GOLM2: variants seen among roughly 807,000 people sequenced by gnomAD.
The protein encoded by GOLM2 is protein GOLM2.
A neutral mutation model predicts 55.9 loss-of-function variants in GOLM2; 26 were observed. The ratio of observed to expected loss-of-function variants is 0.47; its 90% confidence interval spans 0.34 to 0.65. The LOEUF (loss-of-function observed/expected upper bound fraction) is 0.65, where lower values mean the gene tolerates loss of function less well. Ranked by LOEUF, GOLM2 falls within the 30% of genes least tolerant of loss-of-function variation. The probability of loss-of-function intolerance (pLI) is 0.01; values close to 1 mark genes in which losing one functional copy is unlikely to be tolerated. For missense variants in GOLM2, 486 were observed against 531.8 expected (o/e 0.91, Z 0.85); for synonymous variants, 165 against 194.6 (o/e 0.85, Z 1.27).
intron 8 of GOLM2, among the ~76,000 whole-genome samples, chr15:44,385,873 A>G (rs1283283995): frequency 6.6e-6 from 1 of 151,928 alleles, no homozygotes; most frequent in Non-Finnish European, 1.5e-5. Context: ...GCCCATTTTT[A>G]TGTTGGGTTA....
At chr15:44,334,827 C>T (rs1056916307) in intron 4 of GOLM2, among the ~76,000 whole-genome samples, 6 of 152,042 alleles carry the variant, frequency 3.9e-5, no homozygotes, top group African/African-American at 7.2e-5. Flanking sequence ...GTCAGGAGTT[C>T]GAGACCAACC....
intron 3 of GOLM2, 92 bp from the exon 4 acceptor site, chr15:44,331,896 T>C (rs2079024331): frequency 8.1e-6 from 7 of 869,084 alleles, no homozygotes; most frequent in Non-Finnish European, 1.3e-5. Flanking sequence ...TAACTGAGTG[T>C]TTTATCTTTC....
intron 1 of GOLM2, among the ~76,000 whole-genome samples, chr15:44,306,804 C>T (rs1037924869): frequency 6.6e-6 from 1 of 152,070 alleles, no homozygotes; most frequent in Non-Finnish European, 1.5e-5. Context: ...ATGGTAACTC[C>T]CGTTATCGTC....
chr15:44,353,210 G>T (rs912104940), intron 6 of GOLM2, among the ~76,000 whole-genome samples: 2 of 152,266 alleles, frequency 1.3e-5, no homozygotes, highest in African/African-American at 4.8e-5. Context: ...TGTTTAAAAT[G>T]GATTGTATCC....
chr15:44,342,026 C>T (rs374011189), intron 6 of GOLM2, among the ~76,000 whole-genome samples: 87 of 151,854 alleles, frequency 5.7e-4, no homozygotes, highest in Admixed American at 4.9e-3. Flanking sequence ...GAATGAATAG[C>T]GCTACTTTTG....
intron 8 of GOLM2, among the ~76,000 whole-genome samples, chr15:44,391,239 G>A (rs2079485998): frequency 6.6e-6 from 1 of 152,092 alleles, no homozygotes; most frequent in Admixed American, 6.6e-5. Flanking sequence ...GACCAGCCAG[G>A]TGTGGTGGCT....
At chr15:44,379,270 G>C (rs2079385427) in intron 6 of GOLM2, among the ~76,000 whole-genome samples, 1 of 151,976 alleles carries the variant, frequency 6.6e-6, no homozygotes, top group African/African-American at 2.4e-5. Flanking sequence ...TGAGATCCAG[G>C]GTTCGAGACC....
intron 8 of GOLM2, among the ~76,000 whole-genome samples, chr15:44,400,429 C>T (rs1439085168): frequency 6.6e-6 from 1 of 151,876 alleles, no homozygotes; most frequent in Non-Finnish European, 1.5e-5. Flanking sequence ...AGTGATTCTC[C>T]TGCCTCAGCC....
chr15:44,310,918 G>A (rs2078871193), intron 1 of GOLM2, among the ~76,000 whole-genome samples: 1 of 152,028 alleles, frequency 6.6e-6, no homozygotes, highest in African/African-American at 2.4e-5. Context: ...TCGGGAGGCT[G>A]AGGCAGGAGA....
chr15:44,359,589 AAAAC>A (rs201500531), intron 6 of GOLM2, among the ~76,000 whole-genome samples: 3,661 of 152,272 alleles, frequency 0.024, 143 homozygotes, highest in East Asian at 0.087. Context: ...CTCCGTCTCA[AAAAC>A]AAACAAACAA....
intron 6 of GOLM2, among the ~76,000 whole-genome samples, chr15:44,362,725 G>A (rs1224010762): frequency 2.6e-5 from 4 of 152,210 alleles, no homozygotes; most frequent in Non-Finnish European, 2.9e-5. Flanking sequence ...AAAAGAGCCC[G>A]CATCGCCAAG....
At chr15:44,337,733 A>G in intron 4 of GOLM2, 30 bp from the exon 5 acceptor site, 1 of 1,530,850 alleles carries the variant, frequency 6.5e-7, no homozygotes, top group South Asian at 1.3e-5. Flanking sequence ...TTTGAACTGA[A>G]AAATATTATT....
intron 6 of GOLM2, among the ~76,000 whole-genome samples, chr15:44,345,322 G>C (rs183973387): frequency 3.7e-3 from 556 of 151,752 alleles, no homozygotes; most frequent in Admixed American, 7.3e-3. Flanking sequence ...GCCCAGGCTG[G>C]AGTGCAGTGG....
chr15:44,291,307 C>A (rs1237782855), intron 1 of GOLM2, among the ~76,000 whole-genome samples: 1 of 152,070 alleles, frequency 6.6e-6, no homozygotes, highest in Non-Finnish European at 1.5e-5. Context: ...CAGTTTGTTT[C>A]ACTTTTTACC....
intron 6 of GOLM2, among the ~76,000 whole-genome samples, chr15:44,361,812 G>A (rs927463478): frequency 6.6e-5 from 10 of 152,082 alleles, no homozygotes; most frequent in African/African-American, 1.9e-4. Flanking sequence ...CTGGCAAACC[G>A]AATCCAGCAG....
intron 8 of GOLM2, among the ~76,000 whole-genome samples, chr15:44,388,751 C>T (rs1370217850): frequency 6.6e-6 from 1 of 152,160 alleles, no homozygotes; most frequent in East Asian, 1.9e-4. Flanking sequence ...GGGCTCAAAT[C>T]ATCCTCCTGC....
intron 8 of GOLM2, among the ~76,000 whole-genome samples, chr15:44,397,858 G>A (rs2079537876): frequency 6.6e-6 from 1 of 152,134 alleles, no homozygotes; most frequent in South Asian, 2.1e-4. Context: ...CCCAATTTGG[G>A]ATATAGGTAG....
chr15:44,386,116 T>G (rs1456666293), intron 8 of GOLM2, among the ~76,000 whole-genome samples: 1 of 152,214 alleles, frequency 6.6e-6, no homozygotes, highest in African/African-American at 2.4e-5. Flanking sequence ...GCCAAAATCA[T>G]GGTAATGAAG....
At chr15:44,321,598 A>G (rs1462634688) in intron 1 of GOLM2, among the ~76,000 whole-genome samples, 4 of 152,138 alleles carry the variant, frequency 2.6e-5, no homozygotes, top group Non-Finnish European at 5.9e-5. Context: ...ACATAGAGCT[A>G]TACATTCATA....
Sources: allele counts gnomAD v4.1 joint callset (sites outside exome capture counted in the v4.1 genomes callset), GRCh38; gene constraint gnomAD v4.1.1; transcripts MANE v1.5; gene names NCBI Gene and HGNC (gene_info 2026-07-23, HGNC 2026-07-21).